Variants in B3GALT1 observed in about 807,000 individuals in gnomAD.
B3GALT1 encodes UDP-Gal:betaGlcNAc beta 1,3-galactosyltransferase, polypeptide 1.
In B3GALT1, 10 loss-of-function variants were observed where a neutral mutation model predicts 23.2. That is an observed-to-expected ratio of 0.43 (90% CI 0.27 to 0.73). The LOEUF (loss-of-function observed/expected upper bound fraction) is 0.73, where lower values mean the gene tolerates loss of function less well. Ranked by LOEUF, B3GALT1 falls within the 30% of genes least tolerant of loss-of-function variation. The pLI is 0.21. For missense variants in B3GALT1, 299 were observed against 405.4 expected (o/e 0.74, Z 2.25); for synonymous variants, 156 against 141.5 (o/e 1.10, Z -0.73).
intron 2 of B3GALT1, among the ~76,000 whole-genome samples, chr2:167,561,139 G>A (rs1166240473): frequency 6.6e-6 from 1 of 152,154 alleles, no homozygotes; most frequent in East Asian, 1.9e-4. Context: ...TAGAGCTCAG[G>A]ATTAAGAAAC....
intron 3 of B3GALT1, among the ~76,000 whole-genome samples, chr2:167,711,619 A>T (rs950448810): frequency 1.3e-5 from 2 of 152,206 alleles, no homozygotes; most frequent in East Asian, 3.9e-4. Context: ...AAGAACTTTC[A>T]TCACTACCAG....
At chr2:167,839,308 C>T (rs1208261045) in intron 4 of B3GALT1, among the ~76,000 whole-genome samples, 6 of 149,960 alleles carry the variant, frequency 4.0e-5, no homozygotes, top group South Asian at 2.1e-4. Flanking sequence ...TCTCCTTAAG[C>T]TGATAAGCAA....
chr2:167,322,853 T>C (rs1055626385), intron 1 of B3GALT1, among the ~76,000 whole-genome samples: 3 of 152,068 alleles, frequency 2.0e-5, no homozygotes, highest in Admixed American at 1.3e-4. Context: ...GTTTCATTCA[T>C]CACTAAATGG....
intron 3 of B3GALT1, among the ~76,000 whole-genome samples, chr2:167,683,705 T>C: frequency 6.6e-6 from 1 of 151,920 alleles, no homozygotes; most frequent in South Asian, 2.1e-4. Flanking sequence ...TGTGACAAAG[T>C]GAGAGTCTGT....
chr2:167,399,869 T>A (rs1273435805), intron 1 of B3GALT1, among the ~76,000 whole-genome samples: 1 of 152,110 alleles, frequency 6.6e-6, no homozygotes, highest in East Asian at 1.9e-4. Flanking sequence ...TATCCTTAAG[T>A]TGCTTTCTCA....
chr2:167,871,357 T>C lies in B3GALT1; in HGVS notation c.*1337T>C, dbSNP rs997193415. 1 of 152,246 alleles carries C rather than the reference T, an allele frequency of 6.6e-6. No homozygotes were observed. The highest frequency in any genetic ancestry group is 2.4e-5 in the African/African-American group (1 of 41,472). 9.4% of individuals were successfully genotyped at this position (152,246 alleles called of 1,614,324 possible). ...ATGTATCATGTATTATGCTAAATGC[T>C]AAAATAATTGCATAATTACAATGAT... On this transcript the variant is annotated 3_prime_UTR_variant, in exon 5 of 5. Transcript: ENST00000392690.
chr2:167,820,307 G>C (rs1199116004), intron 4 of B3GALT1, among the ~76,000 whole-genome samples: 1 of 152,242 alleles, frequency 6.6e-6, no homozygotes, highest in Non-Finnish European at 1.5e-5. Flanking sequence ...GGTGGAACCT[G>C]CTTTAGAAAG....
intron 1 of B3GALT1, among the ~76,000 whole-genome samples, chr2:167,411,075 CA>C (rs887683917): frequency 6.6e-6 from 1 of 150,994 alleles, no homozygotes; most frequent in Non-Finnish European, 1.5e-5. Flanking sequence ...AATGTCTACA[CA>C]AGTGTTACAA....
chr2:167,820,626 T>C (rs914101008), intron 4 of B3GALT1, among the ~76,000 whole-genome samples: 3 of 152,204 alleles, frequency 2.0e-5, no homozygotes, highest in Non-Finnish European at 4.4e-5. Context: ...GGACCCACAA[T>C]GGACCTGTAA....
chr2:167,449,635 T>C (rs1305829352), intron 1 of B3GALT1, among the ~76,000 whole-genome samples: 3 of 152,188 alleles, frequency 2.0e-5, no homozygotes, highest in Non-Finnish European at 2.9e-5. Context: ...CTATGTTGAA[T>C]AGAAGTGGTG....
At chr2:167,383,583 C>T (rs1697875410) in intron 1 of B3GALT1, among the ~76,000 whole-genome samples, 1 of 152,188 alleles carries the variant, frequency 6.6e-6, no homozygotes. Flanking sequence ...TTTCTGGGAT[C>T]ATTTTCTGAC....
At chr2:167,562,047 A>G (rs1684007702) in intron 2 of B3GALT1, among the ~76,000 whole-genome samples, 1 of 152,234 alleles carries the variant, frequency 6.6e-6, no homozygotes, top group Admixed American at 6.5e-5. Flanking sequence ...CACTGATGCA[A>G]AAATCCTCAA....
intron 1 of B3GALT1, among the ~76,000 whole-genome samples, chr2:167,299,822 ATATATG>A (rs1486839726): frequency 6.6e-6 from 1 of 151,268 alleles, no homozygotes; most frequent in African/African-American, 2.4e-5. Context: ...CTCTCTCCAT[ATATATG>A]TATTATTTAT....
At chr2:167,358,366 C>T (rs1697449365) in intron 1 of B3GALT1, among the ~76,000 whole-genome samples, 1 of 152,198 alleles carries the variant, frequency 6.6e-6, no homozygotes, top group African/African-American at 2.4e-5. Context: ...CTATTGATTA[C>T]ATCGGCAGAT....
At chr2:167,341,970 C>T (rs1697154415) in intron 1 of B3GALT1, among the ~76,000 whole-genome samples, 2 of 152,176 alleles carry the variant, frequency 1.3e-5, no homozygotes, top group African/African-American at 4.8e-5. Context: ...ATGGACATTA[C>T]TTGCCTGGCC....
intron 4 of B3GALT1, among the ~76,000 whole-genome samples, chr2:167,841,159 AAAACTT>A (rs1385963492): frequency 1.3e-5 from 2 of 151,804 alleles, no homozygotes; most frequent in Non-Finnish European, 2.9e-5. Flanking sequence ...CATGTACCCT[AAAACTT>A]AAAGTATAAT....
At chr2:167,733,853 G>A (rs1002517897) in intron 3 of B3GALT1, among the ~76,000 whole-genome samples, 1 of 152,198 alleles carries the variant, frequency 6.6e-6, no homozygotes, top group African/African-American at 2.4e-5. Context: ...GAGATGTTGT[G>A]TGGCAACTGA....
chr2:167,718,432 G>T (rs1687185235), intron 3 of B3GALT1, among the ~76,000 whole-genome samples: 1 of 152,106 alleles, frequency 6.6e-6, no homozygotes, highest in Non-Finnish European at 1.5e-5. Context: ...TATTGCTTTT[G>T]AGTGTCAATA....
chr2:167,335,403 A>G (rs1697042972), intron 1 of B3GALT1, among the ~76,000 whole-genome samples: 1 of 152,196 alleles, frequency 6.6e-6, no homozygotes, highest in South Asian at 2.1e-4. Context: ...AGGTGATTCC[A>G]TAAAGTAAAA....
Sources: gnomAD v4.1 joint callset for allele counts (sites outside exome capture counted in the v4.1 genomes callset) on GRCh38, gnomAD v4.1.1 for gene constraint, MANE v1.5 for transcripts, NCBI Gene and HGNC (gene_info 2026-07-23, HGNC 2026-07-21) for gene names.